Variants in SHANK1 observed in about 807,000 individuals in gnomAD.
SHANK1 encodes SH3 and multiple ankyrin repeat domains protein 1.
SHANK1 carries 35 observed loss-of-function variants against 165.6 expected under a neutral mutation model. The observed-to-expected ratio is 0.21, with a 90% CI of 0.16 to 0.28. SHANK1 has a LOEUF of 0.28. SHANK1 is among the 10% of genes least tolerant of loss of function. SHANK1 has a pLI of 1.00. For synonymous variants in SHANK1, 1,428 were observed against 1,384.8 expected, an observed-to-expected ratio of 1.03 and a Z score of -0.69; for missense variants, 2,681 against 3,036.4, an observed-to-expected ratio of 0.88 and a Z score of 2.75.
chr19:50,666,872 C>G lies in SHANK1; in HGVS notation c.5088G>C (p.Thr1696=). The G allele has an allele frequency of 3.2e-6, 5 of 1,577,122 alleles. No individual in the cohort carries two copies. Among genetic ancestry groups the G allele is most frequent in the Non-Finnish European group, 4.3e-6 (5 of 1,163,116 alleles). Residue 1696 remains threonine, a synonymous_variant, in exon 23 of 24, where the codon ACG becomes ACC. Transcript: ENST00000293441. ...CACCTTCGGCAGATAGGCTGCTCAG[C>G]GTGGAGGCGCTGCTGATGGTCTCCA... is the stretch of plus-strand genomic sequence containing the variant. ...HPLETISSAS[T]LSSLSAEGGG... is the part of the protein sequence containing the mutation.
chr19:50,683,467 T>C (rs1318443626), intron 21 of SHANK1, among the ~76,000 whole-genome samples: 1 of 152,228 alleles, frequency 6.6e-6, no homozygotes, highest in Non-Finnish European at 1.5e-5. Context: ...ATCCAACTCC[T>C]GGCCACCAGT....
In SHANK1 at chr19:50,687,680, G is replaced by A. The variant is rs1986400001; in HGVS notation, c.2309-18C>T. The A allele has an allele frequency of 6.8e-7, 1 of 1,471,930 alleles. No homozygotes were observed. Among genetic ancestry groups the A allele is most frequent in the Non-Finnish European group, 9.0e-7 (1 of 1,109,006 alleles). The allele number at this position is 1,471,930 out of a possible 1,614,324, so 91.2% of individuals were successfully genotyped here. On this transcript the variant is annotated intron_variant, in intron 18 of 23. Coordinates refer to ENST00000293441, the MANE Select transcript of SHANK1 (RefSeq NM_016148.5). ...CTGGGGTGCTGAAAAGGTGATGAGG[G>A]GAGGCATCAGTATCATGGGGGAGAT...
intron 8 of SHANK1, among the ~76,000 whole-genome samples, chr19:50,708,228 A>C (rs1311618930): frequency 6.6e-6 from 1 of 151,986 alleles, no homozygotes; most frequent in Non-Finnish European, 1.5e-5. Flanking sequence ...TACAGGTGTG[A>C]GGCACCGCGC....
Position 50,668,235 on chromosome 19 carries a change from C to T in SHANK1, c.3725G>A (p.Arg1242Lys). The change falls in exon 23 of 24, where the codon AGG becomes AAG. Residue 1242 changes from arginine (R) to lysine (K), a missense_variant. Around this residue, in one of 10 missense-constraint regions of SHANK1, gnomAD observed 1,713 missense variants for 1,630.2 expected, o/e 1.05. Coordinates refer to ENST00000293441, the MANE Select transcript of SHANK1 (RefSeq NM_016148.5). ...FGAALVGAARREGGWQNEARR... is the reference protein window; with the variant it reads ...FGAALVGAARKEGGWQNEARR... ...CGCCTCATTCTGCCAGCCCCCCTCC[C>T]TCCGGGCCGCCCCCACCAGGGCGGC... is the stretch of plus-strand genomic sequence containing the variant. 6.8e-7 allele frequency: 1 copy of T among 1,475,294 alleles called. No homozygotes were observed. Among genetic ancestry groups the T allele is most frequent in the Non-Finnish European group, 8.9e-7 (1 of 1,127,356 alleles). The allele number at this position is 1,475,294 out of a possible 1,614,324, so 91.4% of individuals were successfully genotyped here. A position where few individuals can be genotyped will look rare whatever the true frequency, so the allele number is the denominator to read the frequency against.
chr19:50,700,427 G>T (rs1432314042), intron 12 of SHANK1, among the ~76,000 whole-genome samples: 1 of 151,908 alleles, frequency 6.6e-6, no homozygotes, highest in East Asian at 1.9e-4. Context: ...GAATTGGAGG[G>T]CTTGGGGCAT....
chr19:50,711,843 A>G (rs41275788), intron 7 of SHANK1, 104 bp downstream of exon 7: 35,729 of 1,287,766 alleles, frequency 0.028, 642 homozygotes, highest in Middle Eastern at 0.032. Flanking sequence ...TCTCACCCCC[A>G]TGCTCTGTGA....
At position 50,689,272 on chromosome 19, in the gene SHANK1, T is replaced by A; in HGVS notation, c.1972A>T (p.Ile658Phe). 1 of 1,607,588 alleles carries A rather than the reference T, an allele frequency of 6.2e-7. No homozygotes were observed. The highest frequency in any genetic ancestry group is 1.4e-5 in the African/African-American group (1 of 73,904). ...AGCAAGACTGTCTTCTCCTTAATGA[T>A]GTAATCGCTGGCAGGGAGGCAGGAG... is the stretch of plus-strand genomic sequence containing the variant. Reference protein sequence around the residue: ...MDGIGPGSDYIIKEKTVLLQK... With the variant: ...MDGIGPGSDYFIKEKTVLLQK... The change falls in exon 16 of 24, where the codon ATC (isoleucine) becomes TTC (phenylalanine). Residue 658 changes from isoleucine (I) to phenylalanine (F), a missense_variant. Coordinates refer to ENST00000293441, the MANE Select transcript of SHANK1 (RefSeq NM_016148.5).
At position 50,666,677 on chromosome 19, in the gene SHANK1, C is replaced by G; in HGVS notation, c.5283G>C (p.Ala1761=). 3 of 1,585,260 alleles carry G rather than the reference C, an allele frequency of 1.9e-6. No individual in the cohort carries two copies. The highest frequency in any genetic ancestry group is 2.6e-6 in the Non-Finnish European group (3 of 1,168,692). Residue 1761 remains alanine (A), a synonymous_variant, in exon 23 of 24, where the codon GCG becomes GCC. Transcript: ENST00000293441. The part of the protein sequence containing the change: ...LMTPSKLRGR[A]LGASGGLRPG... Reference sequence around the variant, plus strand: ...GCCGCAGGCCTCCGCTGGCTCCTAGCGCCCGGCCCCGGAGCTTAGAGGGAG... The same window carrying G: ...GCCGCAGGCCTCCGCTGGCTCCTAGGGCCCGGCCCCGGAGCTTAGAGGGAG...
At chr19:50,703,428 G>A (rs1035780378) in intron 11 of SHANK1, 72 bp downstream of exon 11, 31 of 1,348,320 alleles carry the variant, frequency 2.3e-5, no homozygotes, top group Middle Eastern at 2.0e-4. Flanking sequence ...GGCTGGCCTC[G>A]GGGGAAGCCG....
chr19:50,688,116 C>G lies in SHANK1; in HGVS notation c.2173-58G>C, dbSNP rs1415800920. ...TAGACGAGGGGAGGGGTGCTTGCAG[C>G]TTCAGAGACCCCAAGGAGGATGCCT... On this transcript the variant is annotated intron_variant, in intron 17 of 23. Transcript: ENST00000293441. This position sits in a 1 kb window ranked among gnomAD's most constrained non-coding sequence, Gnocchi z 6.7. 6.2e-7 allele frequency: 1 copy of G among 1,601,284 alleles called. No homozygotes were observed. The highest frequency in any genetic ancestry group is 8.5e-7 in the Non-Finnish European group (1 of 1,173,232).
In SHANK1 at chr19:50,718,675, G is replaced by A. The variant is rs568737949; in HGVS notation, c.-44+731C>T. ...GGGGGTGCCCTGGGAGGCTGTGGGG[G>A]GACAGGGGGCGGCTGGCGTGGCCGA... is the stretch of plus-strand genomic sequence containing the variant. On this transcript the variant is annotated intron_variant, in intron 1 of 23. Coordinates refer to ENST00000293441, the MANE Select transcript of SHANK1 (RefSeq NM_016148.5). The surrounding 1 kb of genome is among the most constrained non-coding windows in gnomAD (Gnocchi z 5.1). Among the ~76,000 whole-genome samples the A allele has an allele frequency of 2.0e-5, 3 of 151,968 alleles. No individual in the cohort carries two copies. Among genetic ancestry groups the A allele is most frequent in the Admixed American group, 6.5e-5 (1 of 15,276 alleles).
chr19:50,706,083 C>G (rs919701663), intron 8 of SHANK1, among the ~76,000 whole-genome samples: 1 of 143,118 alleles, frequency 7.0e-6, no homozygotes, highest in African/African-American at 2.6e-5. Context: ...CACTTGAGCC[C>G]AAGAGGTCGA....
intron 23 of SHANK1, among the ~76,000 whole-genome samples, chr19:50,665,652 G>A (rs1358669888): frequency 6.8e-6 from 1 of 146,822 alleles, no homozygotes; most frequent in Non-Finnish European, 1.5e-5. Context: ...CCAGAGGATT[G>A]CTTGAGCCCA....
chr19:50,692,747 T>C (rs577972719), intron 15 of SHANK1, among the ~76,000 whole-genome samples: 1 of 151,302 alleles, frequency 6.6e-6, no homozygotes, highest in Admixed American at 6.6e-5. Flanking sequence ...GTACCCCTCC[T>C]CTCTGCACCT....
intron 6 of SHANK1, 74 bp from the exon 7 acceptor site, chr19:50,712,188 CA>C: frequency 1.3e-6 from 2 of 1,482,678 alleles, no homozygotes; most frequent in Non-Finnish European, 1.8e-6. Flanking sequence ...TCTGAAGGGC[CA>C]GGGGGACTGG....
intron 8 of SHANK1, among the ~76,000 whole-genome samples, chr19:50,705,199 A>G (rs374757916): frequency 1.3e-4 from 20 of 151,764 alleles, no homozygotes; most frequent in African/African-American, 4.1e-4. Context: ...AAAATTAGCC[A>G]GGCGTGGTGG....
chr19:50,669,114 G>A lies in SHANK1; in HGVS notation c.2846C>T (p.Pro949Leu), dbSNP rs530554357. ...GCCAGGGTTGAAGGGCCCTCCCCGA[G>A]GGGAGGGGGTGAGGCGCCCTGAGGA... is the stretch of plus-strand genomic sequence containing the variant. ...PSSSGRLTPS[P>L]RGGPFNPGSG... is the part of the protein sequence containing the mutation. The change falls in exon 23 of 24, where the codon CCT becomes CTT. Residue 949 changes from proline to leucine, a missense_variant. Pro to Leu is a moderately conservative substitution (Grantham distance 98). Around this residue, in one of 10 missense-constraint regions of SHANK1, gnomAD observed 1,713 missense variants for 1,630.2 expected, o/e 1.05. Transcript: ENST00000293441. The A allele has an allele frequency of 8.6e-6, 13 of 1,503,860 alleles. 1 individual carries two copies. The highest frequency in any genetic ancestry group is 7.6e-5 in the South Asian group (6 of 78,818). 93.2% of individuals were successfully genotyped at this position (1,503,860 alleles called of 1,614,324 possible). A position where few individuals can be genotyped will look rare whatever the true frequency, so the allele number is the denominator to read the frequency against.
At chr19:50,678,281 G>A (rs1002764640) in intron 21 of SHANK1, among the ~76,000 whole-genome samples, 1 of 152,100 alleles carries the variant, frequency 6.6e-6, no homozygotes, top group Non-Finnish European at 1.5e-5. Context: ...GGAGAAGGGG[G>A]TGTGACCAGT....
In SHANK1 at chr19:50,688,055, T is replaced by A; in HGVS notation, c.2176A>T (p.Asn726Tyr). The A allele has an allele frequency of 6.2e-7, 1 of 1,614,012 alleles. No homozygotes were observed. The highest frequency in any genetic ancestry group is 8.5e-7 in the Non-Finnish European group (1 of 1,179,980). Reference protein sequence around the residue: ...LRMGDFLIEVNGQNVVKVGHR... With the variant: ...LRMGDFLIEVYGQNVVKVGHR... Reference sequence around the variant, plus strand: ...CCGACCTTCACCACATTCTGCCCGTTCACCTGTGGCACAGACACCCCCAGA... The same window carrying A: ...CCGACCTTCACCACATTCTGCCCGTACACCTGTGGCACAGACACCCCCAGA... Residue 726 changes from asparagine (N) to tyrosine (Y), a missense_variant, in exon 18 of 24, where the codon AAC becomes TAC. Transcript: ENST00000293441. This position sits in a 1 kb window ranked among gnomAD's most constrained non-coding sequence, Gnocchi z 6.7.
Sources: gnomAD v4.1 joint callset for allele counts (sites outside exome capture counted in the v4.1 genomes callset) on GRCh38, gnomAD v4.1.1 for gene constraint, gnomAD v4.1.1 regional missense constraint, Gnocchi (gnomAD v3.1) non-coding constraint, MANE v1.5 for transcripts, NCBI Gene and HGNC (gene_info 2026-07-23, HGNC 2026-07-21) for gene names.